CBLB: variants seen among roughly 807,000 people sequenced by gnomAD.
CBLB encodes the protein Cbl proto-oncogene B.
CBLB carries 31 observed loss-of-function variants against 104.9 expected under a neutral mutation model. The ratio of observed to expected loss-of-function variants is 0.30; its 90% CI spans 0.22 to 0.40. CBLB has a LOEUF of 0.40. Ranked by LOEUF, CBLB falls within the 10% of genes least tolerant of loss-of-function variation. The probability of loss-of-function intolerance (pLI) is 1.00; values close to 1 mark genes in which losing one functional copy is unlikely to be tolerated. For synonymous variants in CBLB, 440 were observed against 422.6 expected, an observed-to-expected ratio of 1.04 and a Z score of -0.51; for missense variants, 1,062 against 1,214.6, an observed-to-expected ratio of 0.87 and a Z score of 1.87.
At chr3:105,836,109 CTTG>C (rs1335683082) in intron 3 of CBLB, among the ~76,000 whole-genome samples, 1 of 152,192 alleles carries the variant, frequency 6.6e-6, no homozygotes, top group Non-Finnish European at 1.5e-5. Flanking sequence ...TAATTAATCT[CTTG>C]ATAAAGATGT....
At chr3:105,707,197 C>G (rs145554524) in intron 10 of CBLB, among the ~76,000 whole-genome samples, 3 of 152,148 alleles carry the variant, frequency 2.0e-5, no homozygotes, top group Non-Finnish European at 1.5e-5. Flanking sequence ...TACTTCCAGA[C>G]GAGCAGGCTC....
chr3:105,851,484 T>C (rs1288487744), intron 3 of CBLB, among the ~76,000 whole-genome samples: 2 of 152,178 alleles, frequency 1.3e-5, no homozygotes, highest in Non-Finnish European at 2.9e-5. Flanking sequence ...TTATGGAGCA[T>C]AGAACAGCAC....
chr3:105,847,150 C>A (rs1048605341), intron 3 of CBLB, among the ~76,000 whole-genome samples: 4 of 151,890 alleles, frequency 2.6e-5, no homozygotes, highest in Admixed American at 6.6e-5. Flanking sequence ...TTTTGGTACA[C>A]TATCTTGTAA....
intron 17 of CBLB, among the ~76,000 whole-genome samples, chr3:105,675,772 C>A (rs957115256): frequency 6.7e-6 from 1 of 150,342 alleles, no homozygotes; most frequent in African/African-American, 2.4e-5. Context: ...GTAATCCCAG[C>A]TACTTAGGGG....
intron 4 of CBLB, among the ~76,000 whole-genome samples, chr3:105,765,596 A>G (rs1207881298): frequency 6.6e-6 from 1 of 152,184 alleles, no homozygotes; most frequent in East Asian, 1.9e-4. Flanking sequence ...AGTTGAACAC[A>G]ATGTTCATTC....
At chr3:105,666,107 A>C (rs2152686376) in intron 18 of CBLB, among the ~76,000 whole-genome samples, 1 of 152,264 alleles carries the variant, frequency 6.6e-6, no homozygotes, top group South Asian at 2.1e-4. Context: ...AAACTTAACG[A>C]ATTTTAATTA....
intron 3 of CBLB, among the ~76,000 whole-genome samples, chr3:105,793,667 T>A (rs2081946834): frequency 6.6e-6 from 1 of 152,170 alleles, no homozygotes; most frequent in Non-Finnish European, 1.5e-5. Context: ...CTGAATTTCA[T>A]GAAAGATTCA....
At chr3:105,839,079 T>C (rs1051809373) in intron 3 of CBLB, among the ~76,000 whole-genome samples, 2 of 152,176 alleles carry the variant, frequency 1.3e-5, no homozygotes, top group East Asian at 1.9e-4. Flanking sequence ...ATTTGACTCA[T>C]GTGGATTCTG....
chr3:105,751,435 G>A (rs1185074313), intron 5 of CBLB, 27 bp downstream of exon 5: 6 of 1,544,478 alleles, frequency 3.9e-6, no homozygotes, highest in Non-Finnish European at 5.4e-6. Flanking sequence ...AGAAGGGAAT[G>A]GATAGACTAA....
intron 7 of CBLB, among the ~76,000 whole-genome samples, chr3:105,739,820 A>T (rs1371967965): frequency 6.6e-6 from 1 of 152,084 alleles, no homozygotes; most frequent in Non-Finnish European, 1.5e-5. Context: ...AAAAAGTGAA[A>T]CTGGCTGGGC....
chr3:105,820,096 G>C (rs1390965653), intron 3 of CBLB, among the ~76,000 whole-genome samples: 1 of 152,110 alleles, frequency 6.6e-6, no homozygotes, highest in Non-Finnish European at 1.5e-5. Flanking sequence ...TCCCATCTGG[G>C]GGTGATGGGA....
intron 8 of CBLB, 135 bp from the exon 9 acceptor site, chr3:105,734,275 G>T: frequency 1.1e-6 from 1 of 880,658 alleles, no homozygotes; most frequent in South Asian, 1.5e-5. Flanking sequence ...GTTACCATTT[G>T]AGACATGTTT....
chr3:105,734,246 T>C (rs1350096306), intron 8 of CBLB, 106 bp from the exon 9 acceptor site: 20 of 1,117,838 alleles, frequency 1.8e-5, no homozygotes, highest in African/African-American at 4.6e-5. Context: ...TATCTCACAA[T>C]TGACCTTGTC....
intron 3 of CBLB, chr3:105,824,199 T>G (rs897667053): frequency 6.6e-6 from 1 of 152,216 alleles, no homozygotes; most frequent in African/African-American, 2.4e-5. Flanking sequence ...GAGCTCCTTC[T>G]GCAGTCCTGC....
intron 3 of CBLB, among the ~76,000 whole-genome samples, chr3:105,813,417 CT>C (rs1296574011): frequency 6.6e-6 from 1 of 152,004 alleles, no homozygotes; most frequent in East Asian, 1.9e-4. Flanking sequence ...CCCTTAATCA[CT>C]TTATTATATG....
At chr3:105,847,428 A>ACACACACC (rs373356636) in intron 3 of CBLB, among the ~76,000 whole-genome samples, 47 of 146,480 alleles carry the variant, frequency 3.2e-4, no homozygotes, top group African/African-American at 1.2e-3. Flanking sequence ...ACACACACAC[A>ACACACACC]CCCCATTTTG....
intron 6 of CBLB, among the ~76,000 whole-genome samples, chr3:105,744,860 T>C (rs145620109): frequency 1.0e-3 from 159 of 151,868 alleles, no homozygotes; most frequent in Non-Finnish European, 2.0e-3. Flanking sequence ...AACCAGGGAG[T>C]CGAAGGTTGC....
At chr3:105,710,917 C>T (rs189063821) in intron 10 of CBLB, among the ~76,000 whole-genome samples, 19 of 151,960 alleles carry the variant, frequency 1.3e-4, no homozygotes, top group Middle Eastern at 3.4e-3. Flanking sequence ...CAGAAAAACC[C>T]TAAGAAGTAA....
At chr3:105,754,493 A>AGAGAGAGAG (rs2076865567) in intron 4 of CBLB, among the ~76,000 whole-genome samples, 1 of 64,240 alleles carries the variant, frequency 1.6e-5, no homozygotes, top group African/African-American at 5.5e-5. Flanking sequence ...AAGAAAAGGG[A>AGAGAGAGAG]AGAGAGAGAG....
Sources: gnomAD v4.1 joint callset for allele counts (sites outside exome capture counted in the v4.1 genomes callset) on GRCh38, gnomAD v4.1.1 for gene constraint, MANE v1.5 for transcripts, NCBI Gene and HGNC (gene_info 2026-07-23, HGNC 2026-07-21) for gene names.